Variants in MAN2B2 observed in about 807,000 individuals in gnomAD.
The protein encoded by MAN2B2 is epididymis-specific alpha-mannosidase.
MAN2B2 carries 106 observed loss-of-function variants against 117.1 expected under a neutral mutation model. The ratio of observed to expected loss-of-function variants is 0.90; its 90% confidence interval spans 0.77 to 1.06. The LOEUF (loss-of-function observed/expected upper bound fraction) is 1.06, where lower values mean the gene tolerates loss of function less well. MAN2B2 is among the 50% of genes least tolerant of loss of function. The probability of loss-of-function intolerance (pLI) is 0.00; values close to 1 mark genes in which losing one functional copy is unlikely to be tolerated. For missense variants in MAN2B2, 1,326 were observed against 1,381.4 expected, an observed-to-expected ratio of 0.96 and a Z score of 0.64; for synonymous variants, 544 against 595.1, an observed-to-expected ratio of 0.91 and a Z score of 1.25.
At chr4:6,619,859 T>C in intron 17 of MAN2B2, 68 bp from the exon 18 acceptor site, 2 of 1,421,452 alleles carry the variant, frequency 1.4e-6, no homozygotes, top group Non-Finnish European at 2.0e-6. Flanking sequence ...GCCCTGCTGC[T>C]GTCTTGGTTC....
At position 6,609,847 on chromosome 4, in the gene MAN2B2, C is replaced by T. The variant is rs1384301576; in HGVS notation, c.2056C>T (p.His686Tyr). 6 of 1,614,136 alleles carry T rather than the reference C, an allele frequency of 3.7e-6. No individual in the cohort carries two copies. The South Asian group carries it at 4.4e-5, about 12-fold the overall frequency. Residue 686 changes from histidine (H) to tyrosine (Y), a missense_variant, in exon 13 of 19, where the codon CAT (histidine) becomes TAT (tyrosine). Transcript: ENST00000285599. Reference protein sequence around the residue: ...YTYAIRSRLTHVPQGHDGELL... With the variant: ...YTYAIRSRLTYVPQGHDGELL... The stretch of plus-strand genomic sequence containing the variant: ...GTATGCAATCCGCTCCCGGCTCACC[C>T]ATGTGCCGCAGGGCCATGACGGGGA...
intron 3 of MAN2B2, among the ~76,000 whole-genome samples, chr4:6,581,223 C>T (rs1005774118): frequency 6.6e-5 from 10 of 152,130 alleles, no homozygotes; most frequent in Non-Finnish European, 1.0e-4. Flanking sequence ...CTAGCCCGGC[C>T]GAGTCAGGAA....
chr4:6,593,276 T>G lies in MAN2B2; in HGVS notation c.784T>G (p.Tyr262Asp), dbSNP rs1447453282. The change falls in exon 6 of 19, where the codon TAT becomes GAT. Residue 262 changes from tyrosine (Y) to aspartate (D), a missense_variant. Tyr to Asp is a radical substitution (Grantham distance 160, BLOSUM62 -3). Transcript: ENST00000285599. ...TGTCACCCCAGCCAACATCAACCTC[T>G]ATGCCGAGGCCCTGGTGGCCAACGT... The part of the protein sequence containing the change: ...EPVTPANINL[Y>D]AEALVANVKQ... 1 of 1,613,984 alleles carries G rather than the reference T, an allele frequency of 6.2e-7. No individual in the cohort carries two copies. Among genetic ancestry groups the G allele is most frequent in the Admixed American group, 1.7e-5 (1 of 60,008 alleles).
intron 6 of MAN2B2, among the ~76,000 whole-genome samples, chr4:6,594,256 A>G (rs1463256137): frequency 6.6e-6 from 1 of 152,174 alleles, no homozygotes; most frequent in Non-Finnish European, 1.5e-5. Flanking sequence ...CAGCCTGGCC[A>G]ACATGGTAAA....
At chr4:6,615,541 A>G (rs1711821310) in intron 16 of MAN2B2, among the ~76,000 whole-genome samples, 1 of 152,082 alleles carries the variant, frequency 6.6e-6, no homozygotes. Flanking sequence ...TCACATCTGT[A>G]ATGCCAGCAC....
rs751396623 is a variant in MAN2B2 at position 6,609,083 on chromosome 4, ATCT to A, written c.1815-20_1815-18del. The A allele has an allele frequency of 1.2e-5, 20 of 1,600,650 alleles. No homozygotes were observed. In the East Asian group the frequency reaches 1.6e-4, roughly 13 times the overall value. ...AGACCTTGTGCAGGATGAGAATGAC[ATCT>A]TCTCTCTCCTGCCTCTGCAGACAGA... On this transcript the variant is annotated intron_variant, in intron 11 of 18. Transcript: ENST00000285599.
chr4:6,580,070 G>A (rs1463142994), intron 3 of MAN2B2, among the ~76,000 whole-genome samples: 5 of 152,250 alleles, frequency 3.3e-5, no homozygotes, highest in African/African-American at 1.2e-4. Flanking sequence ...TCCAGGCAGA[G>A]AGCAATGTTG....
intron 9 of MAN2B2, among the ~76,000 whole-genome samples, chr4:6,599,556 C>T (rs1000764307): frequency 6.6e-6 from 1 of 151,320 alleles, no homozygotes; most frequent in African/African-American, 2.4e-5. Context: ...CCCAGCTACT[C>T]AGGGGCTGAG....
chr4:6,579,482 T>TACCACTACCATC (rs1365312555), intron 3 of MAN2B2, among the ~76,000 whole-genome samples: 1 of 117,384 alleles, frequency 8.5e-6, no homozygotes, highest in East Asian at 2.8e-4. Flanking sequence ...TGACCATCAC[T>TACCACTACCATC]ACCACTACCA....
chr4:6,593,861 G>T (rs1282649923), intron 6 of MAN2B2, among the ~76,000 whole-genome samples: 2 of 152,150 alleles, frequency 1.3e-5, no homozygotes, highest in Non-Finnish European at 2.9e-5. Context: ...AAGCAGGCTG[G>T]TATCCATTTC....
intron 13 of MAN2B2, 144 bp from the exon 14 acceptor site, chr4:6,610,736 G>A (rs1322065383): frequency 1.5e-6 from 1 of 689,002 alleles, no homozygotes; most frequent in Non-Finnish European, 2.6e-6. Flanking sequence ...CTGAACCCCA[G>A]TCTGTTGGTC....
intron 18 of MAN2B2, 176 bp downstream of exon 18, chr4:6,620,220 C>A: frequency 1.7e-6 from 1 of 578,828 alleles, no homozygotes; most frequent in South Asian, 2.0e-5. Flanking sequence ...TTAAGAAAGG[C>A]TTTGGGTTAG....
intron 10 of MAN2B2, among the ~76,000 whole-genome samples, chr4:6,604,525 T>C (rs1483282130): frequency 7.3e-6 from 1 of 137,568 alleles, no homozygotes; most frequent in African/African-American, 2.9e-5. Context: ...GACTAGGGGG[T>C]AGGGGTGGAG....
chr4:6,590,082 A>G (rs1726798495), intron 5 of MAN2B2, among the ~76,000 whole-genome samples: 1 of 148,520 alleles, frequency 6.7e-6, no homozygotes, highest in South Asian at 2.1e-4. Flanking sequence ...AAAATAAAAA[A>G]AAAAATAGGC....
intron 11 of MAN2B2, among the ~76,000 whole-genome samples, chr4:6,605,940 T>C (rs1194423946): frequency 6.6e-6 from 1 of 151,766 alleles, no homozygotes; most frequent in Non-Finnish European, 1.5e-5. Flanking sequence ...TTCATTCATG[T>C]ATTCATTCAG....
chr4:6,601,886 G>A (rs142149925), intron 10 of MAN2B2, among the ~76,000 whole-genome samples: 19 of 152,330 alleles, frequency 1.2e-4, no homozygotes, highest in Non-Finnish European at 2.1e-4. Flanking sequence ...AATCAAAGCC[G>A]TGGTTCGAGT....
chr4:6,587,229 C>T lies in MAN2B2; in HGVS notation c.564+61C>T, dbSNP rs1243275262. On this transcript the variant is annotated intron_variant, in intron 4 of 18. Coordinates refer to ENST00000285599, the MANE Select transcript of MAN2B2 (RefSeq NM_015274.3). ...CCGCTCCTCCCTTCCTTCCTTGAAT[C>T]AGAGCACGGTAGAAAGCTGCTGCTC... 2.5e-6 allele frequency: 4 copies of T among 1,573,518 alleles called. No individual in the cohort carries two copies. In the East Asian group the frequency reaches 9.0e-5, roughly 35 times the overall value.
chr4:6,582,464 G>T (rs1177801823), intron 3 of MAN2B2, among the ~76,000 whole-genome samples: 2 of 152,072 alleles, frequency 1.3e-5, no homozygotes, highest in Non-Finnish European at 2.9e-5. Flanking sequence ...TCAGCATCCT[G>T]AGTAGCTGGG....
In MAN2B2 at chr4:6,605,746, A is replaced by G. The variant is rs185946534; in HGVS notation, c.1814+417A>G. Among the ~76,000 whole-genome samples, 27 of 150,926 alleles carry G rather than the reference A, an allele frequency of 1.8e-4. No homozygotes were observed. In the East Asian group the frequency reaches 4.9e-3, roughly 27 times the overall value. On this transcript the variant is annotated intron_variant, in intron 11 of 18. Transcript: ENST00000285599. Reference sequence around the variant, plus strand: ...TATTCACCCACCCACTTATCTACCCACCCAGTTATCCATCCATCCACCCAA... The same window carrying G: ...TATTCACCCACCCACTTATCTACCCGCCCAGTTATCCATCCATCCACCCAA...
Sources: allele counts gnomAD v4.1 joint callset (sites outside exome capture counted in the v4.1 genomes callset), GRCh38; gene constraint gnomAD v4.1.1; transcripts MANE v1.5; gene names NCBI Gene and HGNC (gene_info 2026-07-23, HGNC 2026-07-21).